TDRD12: variants seen among roughly 807,000 people sequenced by gnomAD.
TDRD12 encodes the protein putative ATP-dependent RNA helicase TDRD12.
A neutral mutation model predicts 133.5 loss-of-function variants in TDRD12; 158 were observed. That is an observed-to-expected ratio of 1.18 (90% CI 1.04 to 1.35). The LOEUF is 1.35. TDRD12 is among the 40% of genes most tolerant of loss of function. The pLI is 0.00. For synonymous variants in TDRD12, 460 were observed against 477.9 expected, an observed-to-expected ratio of 0.96 and a Z score of 0.49; for missense variants, 1,443 against 1,321.3, an observed-to-expected ratio of 1.09 and a Z score of -1.43.
intron 2 of TDRD12, among the ~76,000 whole-genome samples, chr19:32,732,942 GA>G: frequency 6.6e-6 from 1 of 152,320 alleles, no homozygotes; most frequent in Non-Finnish European, 1.5e-5. Context: ...GGAGGCCAAG[GA>G]AAGAAGATTG....
intron 9 of TDRD12, chr19:32,826,739 C>T (rs563813449): frequency 1.6e-6 from 2 of 1,232,202 alleles, no homozygotes; most frequent in South Asian, 8.2e-5. Context: ...AGGACAGCCA[C>T]TTCCCCAAGG....
intron 3 of TDRD12, 98 bp downstream of exon 3, chr19:32,739,090 C>A: frequency 7.1e-7 from 1 of 1,410,012 alleles, no homozygotes. Context: ...GAGGTCACTA[C>A]ACTGAGAAAA....
intron 8 of TDRD12, among the ~76,000 whole-genome samples, chr19:32,771,823 G>A (rs1025402945): frequency 8.5e-5 from 13 of 152,110 alleles, no homozygotes; most frequent in African/African-American, 3.1e-4. Flanking sequence ...TTTAAAGAAG[G>A]GTTAGGGCAT....
chr19:32,729,044 A>G (rs1224281629), intron 1 of TDRD12, among the ~76,000 whole-genome samples: 1 of 149,786 alleles, frequency 6.7e-6, no homozygotes, highest in Non-Finnish European at 1.5e-5. Context: ...ATCTATATAC[A>G]TATAGAGTTT....
chr19:32,809,867 A>G (rs1363780083), intron 22 of TDRD12, among the ~76,000 whole-genome samples: 1 of 152,236 alleles, frequency 6.6e-6, no homozygotes, highest in East Asian at 1.9e-4. Flanking sequence ...AATTTGCAAA[A>G]TAAAAAAATC....
chr19:32,772,631 A>G, intron 8 of TDRD12, 122 bp from the exon 9 acceptor site: 3 of 595,330 alleles, frequency 5.0e-6, no homozygotes, highest in Non-Finnish European at 2.8e-6. Flanking sequence ...TTCATATTCC[A>G]TAAAAATTTA....
downstream of TDRD12, among the ~76,000 whole-genome samples, chr19:32,823,279 G>T (rs1599635163): frequency 1.3e-5 from 2 of 152,306 alleles, no homozygotes. Context: ...TGTGACGAAG[G>T]CAGCCTTGCC....
chr19:32,793,594 T>G (rs1207130769), intron 13 of TDRD12, among the ~76,000 whole-genome samples: 6 of 152,108 alleles, frequency 3.9e-5, no homozygotes, highest in Non-Finnish European at 8.8e-5. Flanking sequence ...TTGGAACATT[T>G]GGGTTTTAGT....
At chr19:32,730,344 A>G (rs1400010490) in intron 1 of TDRD12, among the ~76,000 whole-genome samples, 1 of 152,186 alleles carries the variant, frequency 6.6e-6, no homozygotes, top group Non-Finnish European at 1.5e-5. Flanking sequence ...GGACTGGGGA[A>G]TGGGCTCAGG....
intron 6 of TDRD12, among the ~76,000 whole-genome samples, chr19:32,753,685 T>G (rs919098696): frequency 2.0e-5 from 3 of 149,874 alleles, no homozygotes; most frequent in African/African-American, 4.9e-5. Flanking sequence ...TTTTTTTTTT[T>G]TTTTTGTATT....
At chr19:32,765,767 A>C (rs951634026) in intron 8 of TDRD12, among the ~76,000 whole-genome samples, 1 of 152,174 alleles carries the variant, frequency 6.6e-6, no homozygotes, top group South Asian at 2.1e-4. Flanking sequence ...GAGGGATAAC[A>C]TTAGGAGATA....
At chr19:32,827,281 G>A (rs1280258565) in exon 10 of TDRD12, 19 of 1,229,724 alleles carry the variant, frequency 1.5e-5, no homozygotes, top group African/African-American at 7.8e-5. Context: ...CCTCAAGAGC[G>A]GCTGGAAGAT....
intron 4 of TDRD12, among the ~76,000 whole-genome samples, 181 bp from the exon 5 acceptor site, chr19:32,748,295 G>A (rs900776049): frequency 6.6e-6 from 1 of 152,328 alleles, no homozygotes; most frequent in African/African-American, 2.4e-5. Context: ...TGAGACGAGC[G>A]TGTTGCAGGA....
chr19:32,814,071 A>G (rs1327725113), intron 25 of TDRD12, among the ~76,000 whole-genome samples: 1 of 152,226 alleles, frequency 6.6e-6, no homozygotes, highest in African/African-American at 2.4e-5. Context: ...TCCATGCTAC[A>G]TTCTCTGATG....
intron 25 of TDRD12, among the ~76,000 whole-genome samples, chr19:32,814,630 A>C (rs1967114374): frequency 6.6e-6 from 1 of 152,172 alleles, no homozygotes; most frequent in African/African-American, 2.4e-5. Flanking sequence ...ATATTTTATT[A>C]AGCAGAGATT....
chr19:32,771,822 G>T (rs567951432), intron 8 of TDRD12, among the ~76,000 whole-genome samples: 2 of 152,138 alleles, frequency 1.3e-5, no homozygotes, highest in Non-Finnish European at 2.9e-5. Flanking sequence ...CTTTAAAGAA[G>T]GGTTAGGGCA....
intron 14 of TDRD12, chr19:32,796,338 C>A: frequency 4.1e-6 from 1 of 245,626 alleles, no homozygotes; most frequent in Non-Finnish European, 6.5e-6. Flanking sequence ...GCCTGTAATC[C>A]AGCACTTTGG....
chr19:32,735,076 T>C (rs1269577865), intron 2 of TDRD12, among the ~76,000 whole-genome samples: 2 of 152,152 alleles, frequency 1.3e-5, no homozygotes, highest in East Asian at 3.8e-4. Flanking sequence ...AACCCTACAA[T>C]GGCCCCTAAG....
intron 10 of TDRD12, 104 bp from the exon 11 acceptor site, chr19:32,777,045 T>C (rs1337641819): frequency 1.4e-5 from 10 of 738,688 alleles, no homozygotes; most frequent in Non-Finnish European, 2.2e-5. Context: ...CACACCACCA[T>C]GCCCGGCATT....
Sources: allele counts gnomAD v4.1 joint callset (sites outside exome capture counted in the v4.1 genomes callset), GRCh38; gene constraint gnomAD v4.1.1; transcripts MANE v1.5; gene names NCBI Gene and HGNC (gene_info 2026-07-23, HGNC 2026-07-21).